MTR: variants seen among roughly 807,000 people sequenced by gnomAD.
MTR encodes the protein methionine synthase.
MTR carries 84 observed loss-of-function variants against 154.8 expected under a neutral mutation model. That is an observed-to-expected ratio of 0.54 (90% CI 0.45 to 0.65). The LOEUF (loss-of-function observed/expected upper bound fraction) is 0.65, where lower values mean the gene tolerates loss of function less well. MTR is among the 30% of genes least tolerant of loss of function. The pLI is 0.00. For missense variants in MTR, 1,275 were observed against 1,570.2 expected, an observed-to-expected ratio of 0.81 and a Z score of 3.18; for synonymous variants, 554 against 553.9, an observed-to-expected ratio of 1.00 and a Z score of 0.00.
At chr1:236,854,748 T>G (rs1664106564) in intron 18 of MTR, among the ~76,000 whole-genome samples, 1 of 152,172 alleles carries the variant, frequency 6.6e-6, no homozygotes, top group Non-Finnish European at 1.5e-5. Flanking sequence ...CCATTTAAGG[T>G]TTTTTTGGCA....
intron 1 of MTR, among the ~76,000 whole-genome samples, chr1:236,801,432 A>G (rs1660693579): frequency 6.6e-6 from 1 of 152,200 alleles, no homozygotes; most frequent in Non-Finnish European, 1.5e-5. Context: ...GTCACTCAAA[A>G]TAGTTCTGTG....
Position 236,894,928 on chromosome 1 carries a change from C to T in MTR, c.3405+371C>T, listed in dbSNP as rs1162230639. On this transcript the variant is annotated intron_variant, in intron 30 of 32. Transcript: ENST00000366577. Reference sequence around the variant, plus strand: ...GAGCCCCTCGTTGTAATGCTGGTGTCATCTATAGATTCTTCATCTTCCTCT... The same window carrying T: ...GAGCCCCTCGTTGTAATGCTGGTGTTATCTATAGATTCTTCATCTTCCTCT... 8.4e-6 allele frequency: 3 copies of T among 357,116 alleles called. 1 individual carries two copies. Among genetic ancestry groups the T allele is most frequent in the South Asian group, 8.3e-5 (3 of 36,256 alleles). 22.1% of individuals were successfully genotyped at this position (357,116 alleles called of 1,614,324 possible).
chr1:236,897,310 G>GCGCGCGCGCGCGCGCA, intron 32 of MTR, among the ~76,000 whole-genome samples, 192 bp downstream of exon 32: 21 of 128,682 alleles, frequency 1.6e-4, no homozygotes, highest in Non-Finnish European at 2.9e-4. Context: ...CCACACACAC[G>GCGCGCGCGCGCGCGCA]CACACACACA....
chr1:236,852,058 A>G (rs552781792), intron 16 of MTR, among the ~76,000 whole-genome samples: 1 of 152,208 alleles, frequency 6.6e-6, no homozygotes, highest in South Asian at 2.1e-4. Flanking sequence ...TTGAGCCAAT[A>G]ATAGTGAAAG....
intron 8 of MTR, chr1:236,819,584 T>G (rs1661803907): frequency 2.4e-6 from 1 of 414,710 alleles, no homozygotes; most frequent in Admixed American, 3.3e-5. Flanking sequence ...CACAGAGGGG[T>G]CCATCCGGCG....
In MTR at chr1:236,846,572, A is replaced by G. The variant is rs1572255272; in HGVS notation, c.1516-3772A>G. Among the ~76,000 whole-genome samples the G allele has an allele frequency of 4.6e-5, 7 of 152,372 alleles. 2 individuals are homozygous for G. The highest frequency in any genetic ancestry group is 4.6e-4 in the Admixed American group (7 of 15,306). ...CTAATTAATCCTAACCTGGAAAATA[A>G]CAAGGAATTGGTATCTTGCCAGTGT... On this transcript the variant is annotated intron_variant, in intron 15 of 32. Transcript: ENST00000366577.
intron 1 of MTR, among the ~76,000 whole-genome samples, chr1:236,798,381 C>G (rs1027910077): frequency 1.3e-5 from 2 of 152,166 alleles, no homozygotes; most frequent in African/African-American, 4.8e-5. Context: ...TGGTCTACCC[C>G]CCTCCAAATC....
At chr1:236,801,460 G>T (rs1421519260) in intron 1 of MTR, among the ~76,000 whole-genome samples, 1 of 152,186 alleles carries the variant, frequency 6.6e-6, no homozygotes, top group Non-Finnish European at 1.5e-5. Flanking sequence ...TTTAGCCCCA[G>T]TTCTCATATT....
chr1:236,856,763 T>G (rs895473372), intron 18 of MTR, among the ~76,000 whole-genome samples: 2 of 152,168 alleles, frequency 1.3e-5, no homozygotes, highest in Non-Finnish European at 2.9e-5. Context: ...CTCCCACTTA[T>G]GAGTGAGAAC....
In MTR at chr1:236,903,676, A is replaced by G. The variant is rs1418717637; in HGVS notation, c.*6032A>G. ...TGATCACAGACAATCTCTGCCATCC[A>G]TAAGGTAAATGTAATACATCTGGCG... On this transcript the variant is annotated 3_prime_UTR_variant, in exon 33 of 33. Coordinates refer to ENST00000366577, the MANE Select transcript of MTR (RefSeq NM_000254.3). The G allele has an allele frequency of 6.6e-6, 1 of 152,236 alleles. No homozygotes were observed. The highest frequency in any genetic ancestry group is 2.4e-5 in the African/African-American group (1 of 41,472). The allele number at this position is 152,236 out of a possible 1,614,324, so 9.4% of individuals were successfully genotyped here. A position where few individuals can be genotyped will look rare whatever the true frequency, so the allele number is the denominator to read the frequency against.
Position 236,829,113 on chromosome 1 carries a change from A to G in MTR, c.996-76A>G, listed in dbSNP as rs1662462862. On this transcript the variant is annotated intron_variant, in intron 11 of 32. Coordinates refer to ENST00000366577, the MANE Select transcript of MTR (RefSeq NM_000254.3). ...AAATAGACTTAATTTTATAGTTAAA[A>G]TTAGTTTTGAAATTAGTTTCATTAA... 22 of 1,149,152 alleles carry G rather than the reference A, an allele frequency of 1.9e-5. No individual in the cohort carries two copies. In the South Asian group the frequency reaches 2.7e-4, roughly 14 times the overall value. The allele number at this position is 1,149,152 out of a possible 1,614,324, so 71.2% of individuals were successfully genotyped here.
At chr1:236,795,811 C>A in intron 1 of MTR, 74 bp downstream of exon 1, 2 of 1,608,060 alleles carry the variant, frequency 1.2e-6, no homozygotes, top group Admixed American at 3.3e-5. Flanking sequence ...ATCCCTGGGG[C>A]GATTCCCTTC....
At chr1:236,853,802 T>G (rs911908145) in intron 18 of MTR, among the ~76,000 whole-genome samples, 6 of 152,182 alleles carry the variant, frequency 3.9e-5, no homozygotes, top group African/African-American at 1.4e-4. Flanking sequence ...ACATTTGATG[T>G]GTAAAAAATG....
chr1:236,865,753 C>T (rs183392209), intron 22 of MTR, among the ~76,000 whole-genome samples: 1 of 152,206 alleles, frequency 6.6e-6, no homozygotes, highest in East Asian at 1.9e-4. Flanking sequence ...TACCACTTCC[C>T]AATTTATACA....
intron 15 of MTR, among the ~76,000 whole-genome samples, chr1:236,840,084 A>G (rs1486191817): frequency 6.6e-6 from 1 of 152,208 alleles, no homozygotes; most frequent in Non-Finnish European, 1.5e-5. Flanking sequence ...GATTGTATGT[A>G]CTTTTTCTTT....
At chr1:236,807,260 G>A (rs1192402735) in intron 3 of MTR, among the ~76,000 whole-genome samples, 2 of 151,976 alleles carry the variant, frequency 1.3e-5, no homozygotes, top group Admixed American at 6.6e-5. Context: ...TGCAACCTCC[G>A]CCTCCTGGGT....
chr1:236,871,810 T>A (rs1665149634), intron 22 of MTR, among the ~76,000 whole-genome samples: 1 of 152,222 alleles, frequency 6.6e-6, no homozygotes, highest in Non-Finnish European at 1.5e-5. Context: ...GTCTTACTTT[T>A]TACTGAAGAT....
chr1:236,825,745 C>A (rs1285101566), intron 10 of MTR, among the ~76,000 whole-genome samples: 1 of 152,312 alleles, frequency 6.6e-6, no homozygotes, highest in South Asian at 2.1e-4. Flanking sequence ...AGATGTCCCC[C>A]TGGCCGCCCA....
chr1:236,827,016 T>G (rs1662328117), intron 11 of MTR, 120 bp downstream of exon 11: 2 of 874,756 alleles, frequency 2.3e-6, no homozygotes, highest in Middle Eastern at 2.5e-4. Context: ...GTTGAAGTTC[T>G]AACCCCTACT....
Sources: allele counts gnomAD v4.1 joint callset (sites outside exome capture counted in the v4.1 genomes callset), GRCh38; gene constraint gnomAD v4.1.1; transcripts MANE v1.5; gene names NCBI Gene and HGNC (gene_info 2026-07-23, HGNC 2026-07-21).